The following TSPAN5 variants were observed in gnomAD, a reference collection of about 807,000 sequenced individuals.
TSPAN5 encodes tetraspanin-5.
TSPAN5 carries 10 observed loss-of-function variants against 37.1 expected under a neutral mutation model. That is an observed-to-expected ratio of 0.27 (90% CI 0.17 to 0.46). The LOEUF is 0.46. Among genes scored for constraint, TSPAN5 ranks in the 20% least tolerant of loss-of-function variants. The probability of loss-of-function intolerance (pLI) is 1.00; values close to 1 mark genes in which losing one functional copy is unlikely to be tolerated. For synonymous variants in TSPAN5, 110 were observed against 118.9 expected (o/e 0.93, Z 0.48); for missense variants, 195 against 326.6 (o/e 0.60, Z 3.11).
intron 7 of TSPAN5, among the ~76,000 whole-genome samples, chr4:98,475,014 C>T (rs1003123905): frequency 1.3e-5 from 2 of 152,180 alleles, no homozygotes; most frequent in Non-Finnish European, 2.9e-5. Context: ...TTTTATTCCA[C>T]TTCTCTATAT....
At chr4:98,491,224 A>G (rs892748249) in intron 2 of TSPAN5, among the ~76,000 whole-genome samples, 1 of 152,166 alleles carries the variant, frequency 6.6e-6, no homozygotes, top group Non-Finnish European at 1.5e-5. Context: ...ATTTTTCAAG[A>G]ATATATTATT....
chr4:98,533,939 T>TAAAAAAAAAAAAAAAA lies in TSPAN5; in HGVS notation c.82-26227_82-26212dup, dbSNP rs1194318640. Among the ~76,000 whole-genome samples the TAAAAAAAAAAAAAAAA allele has an allele frequency of 7.4e-4, 23 of 31,150 alleles. 3 individuals are homozygous for TAAAAAAAAAAAAAAAA. Among genetic ancestry groups the TAAAAAAAAAAAAAAAA allele is most frequent in the Middle Eastern group, 0.025 (1 of 40 alleles). The allele number at this position is 31,150 out of a possible 152,430, so 20.4% of individuals were successfully genotyped here. ...AGTGGTCTATCCATTTTGTTGATCT[T>TAAAAAAAAAAAAAAAA]AAAAAAAAAAAAAAAAAAAAAAACC... On this transcript the variant is annotated intron_variant, in intron 1 of 7. Coordinates refer to ENST00000305798, the MANE Select transcript of TSPAN5 (RefSeq NM_005723.4).
intron 1 of TSPAN5, among the ~76,000 whole-genome samples, chr4:98,533,541 A>ATTTTTTTTTTTTTTTT (rs1754149539): frequency 6.0e-5 from 2 of 33,418 alleles, no homozygotes; most frequent in African/African-American, 4.8e-4. Context: ...TATCCCCTAT[A>ATTTTTTTTTTTTTTTT]TCTTTTTTTT....
chr4:98,539,842 G>T (rs2110139760), intron 1 of TSPAN5, among the ~76,000 whole-genome samples: 1 of 152,244 alleles, frequency 6.6e-6, no homozygotes, highest in Non-Finnish European at 1.5e-5. Context: ...GCGTAGAAAA[G>T]ATTGTGGCTG....
At chr4:98,583,289 T>C (rs895179187) in intron 1 of TSPAN5, among the ~76,000 whole-genome samples, 30 of 152,184 alleles carry the variant, frequency 2.0e-4, no homozygotes, top group African/African-American at 7.2e-4. Flanking sequence ...TTTTTAACTT[T>C]TAAAATGCAG....
At chr4:98,476,548 T>G in intron 5 of TSPAN5, 88 bp from the exon 6 acceptor site, 1 of 1,259,136 alleles carries the variant, frequency 7.9e-7, no homozygotes, top group Non-Finnish European at 1.2e-6. Context: ...TGTTACGCAT[T>G]AGTAATAAAA....
Position 98,579,124 on chromosome 4 carries a change from C to T in TSPAN5, c.82-71396G>A, listed in dbSNP as rs143422350. ...CTGTTAGAGCAGAACAGGTGCTACCCGTACACCTCCAGAAAGGGCATAGTC... is the reference window on the plus strand; with the variant it reads ...CTGTTAGAGCAGAACAGGTGCTACCTGTACACCTCCAGAAAGGGCATAGTC... On this transcript the variant is annotated intron_variant, in intron 1 of 7. Coordinates refer to ENST00000305798, the MANE Select transcript of TSPAN5 (RefSeq NM_005723.4). 8.7e-3 allele frequency among the ~76,000 whole-genome samples: 1,321 copies of T among 152,214 alleles called. 10 individuals carry two copies. The highest frequency in any genetic ancestry group is 0.014 in the Middle Eastern group (4 of 294).
chr4:98,494,372 C>A (rs1753152042), intron 2 of TSPAN5, among the ~76,000 whole-genome samples: 1 of 151,834 alleles, frequency 6.6e-6, no homozygotes, highest in Non-Finnish European at 1.5e-5. Context: ...AACAGACAGA[C>A]ACTAATACAG....
rs1324503823 is a variant in TSPAN5, at chr4:98,479,634, G to A, written c.451-824C>T. ...GCTATAAATGCCCTCATCTTGCCAC[G>A]GCTCTTCTAGACCTCTTTAGGGTTA... On this transcript the variant is annotated intron_variant, in intron 4 of 7. Coordinates refer to ENST00000305798, the MANE Select transcript of TSPAN5 (RefSeq NM_005723.4). Among the ~76,000 whole-genome samples, 5 of 152,084 alleles carry A rather than the reference G, an allele frequency of 3.3e-5. No individual in the cohort carries two copies. In the South Asian group the frequency reaches 6.2e-4, roughly 19 times the overall value.
chr4:98,496,969 A>G (rs1349537902), intron 2 of TSPAN5, among the ~76,000 whole-genome samples: 1 of 151,838 alleles, frequency 6.6e-6, no homozygotes, highest in African/African-American at 2.4e-5. Context: ...GGCCTTTGGG[A>G]GGTAATTAGG....
intron 1 of TSPAN5, among the ~76,000 whole-genome samples, chr4:98,540,266 C>T (rs1030636034): frequency 1.3e-5 from 2 of 152,090 alleles, no homozygotes; most frequent in African/African-American, 4.8e-5. Context: ...TTTGCAAATA[C>T]AAATCAAAGA....
At chr4:98,640,363 A>G (rs994496106) in intron 1 of TSPAN5, among the ~76,000 whole-genome samples, 1 of 152,214 alleles carries the variant, frequency 6.6e-6, no homozygotes, top group Non-Finnish European at 1.5e-5. Context: ...GCTATATTTC[A>G]GGTAGTTTTC....
Position 98,499,956 on chromosome 4 carries a change from G to A in TSPAN5, c.132+7722C>T, listed in dbSNP as rs772663621. On this transcript the variant is annotated intron_variant, in intron 2 of 7. Transcript: ENST00000305798. ...ATTACAGGTGTGAGCCACCGCGCCC[G>A]GCCGGTTTCCAGCTCTTTAGATACA... 2.3e-4 allele frequency among the ~76,000 whole-genome samples: 35 copies of A among 152,072 alleles called. 1 individual carries two copies. The highest frequency in any genetic ancestry group is 8.3e-4 in the South Asian group (4 of 4,808).
chr4:98,585,555 C>T (rs1755469441), intron 1 of TSPAN5, among the ~76,000 whole-genome samples: 1 of 152,206 alleles, frequency 6.6e-6, no homozygotes, highest in Admixed American at 6.5e-5. Flanking sequence ...AGTGATCCAC[C>T]TGCCTCAGCC....
intron 1 of TSPAN5, among the ~76,000 whole-genome samples, chr4:98,621,743 C>G (rs1392087709): frequency 6.6e-6 from 1 of 152,122 alleles, no homozygotes; most frequent in East Asian, 1.9e-4. Flanking sequence ...GCACCACTAT[C>G]TGATTGTAGA....
intron 1 of TSPAN5, among the ~76,000 whole-genome samples, chr4:98,613,525 A>C (rs982593989): frequency 8.5e-5 from 13 of 152,300 alleles, no homozygotes; most frequent in Non-Finnish European, 1.6e-4. Context: ...TGTGCTCTCT[A>C]ATTATGCAAA....
intron 1 of TSPAN5, among the ~76,000 whole-genome samples, chr4:98,511,152 C>T (rs1753596764): frequency 6.6e-6 from 1 of 152,170 alleles, no homozygotes. Context: ...AGGCATCTTC[C>T]CACATGGCAA....
rs1754841522 is a variant in TSPAN5, at chr4:98,559,933, C to A, written c.82-52205G>T. On this transcript the variant is annotated intron_variant, in intron 1 of 7. Coordinates refer to ENST00000305798, the MANE Select transcript of TSPAN5 (RefSeq NM_005723.4). Reference sequence around the variant, plus strand: ...TTTGTGTTTCCCCCTCCAGAGATGTCACTTCCCTGAAGAATTTCCACCAAC... The same window carrying A: ...TTTGTGTTTCCCCCTCCAGAGATGTAACTTCCCTGAAGAATTTCCACCAAC... 2.0e-5 allele frequency among the ~76,000 whole-genome samples: 3 copies of A among 152,204 alleles called. No homozygotes were observed. The South Asian group carries it at 6.2e-4, about 32-fold the overall frequency.
chr4:98,579,811 C>G (rs1755328889), intron 1 of TSPAN5, among the ~76,000 whole-genome samples: 3 of 152,090 alleles, frequency 2.0e-5, no homozygotes, highest in Admixed American at 1.3e-4. Flanking sequence ...TCTTCATAAA[C>G]AATGTGAAAG....
Sources: allele counts gnomAD v4.1 joint callset (sites outside exome capture counted in the v4.1 genomes callset), GRCh38; gene constraint gnomAD v4.1.1; transcripts MANE v1.5; gene names NCBI Gene and HGNC (gene_info 2026-07-23, HGNC 2026-07-21).